The following FBRS variants were observed in gnomAD, a reference collection of about 807,000 sequenced individuals.
FBRS encodes probable fibrosin-1.
FBRS carries 15 observed loss-of-function variants against 86.1 expected under a neutral mutation model. The ratio of observed to expected loss-of-function variants is 0.17; its 90% confidence interval spans 0.12 to 0.27. The LOEUF (loss-of-function observed/expected upper bound fraction) is 0.27. Among genes scored for constraint, FBRS ranks in the 10% least tolerant of loss-of-function variants. The probability of loss-of-function intolerance (pLI) is 1.00; values close to 1 mark genes in which losing one functional copy is unlikely to be tolerated. For missense variants in FBRS, 1,367 were observed against 1,301.6 expected, an observed-to-expected ratio of 1.05 and a Z score of -0.77; for synonymous variants, 666 against 575.8, an observed-to-expected ratio of 1.16 and a Z score of -2.24.
chr16:30,662,348 G>A, intron 4 of FBRS, 72 bp from the exon 5 acceptor site: 4 of 1,547,088 alleles, frequency 2.6e-6, no homozygotes, highest in South Asian at 2.4e-5. Context: ...GCCTCCAGAG[G>A]CTATTTGGCC....
intron 6 of FBRS, among the ~76,000 whole-genome samples, chr16:30,663,397 G>T (rs536520854): frequency 6.6e-6 from 1 of 152,096 alleles, no homozygotes; most frequent in African/African-American, 2.4e-5. Context: ...ATGATTTCAG[G>T]TCTTACGTGA....
rs1377248275 is a variant in FBRS at position 30,659,750 on chromosome 16, G to A, written c.232G>A (p.Gly78Ser). The A allele has an allele frequency of 2.2e-6, 3 of 1,380,086 alleles. No homozygotes were observed. In the South Asian group the frequency reaches 4.0e-5, roughly 18 times the overall value. 85.5% of individuals were successfully genotyped at this position (1,380,086 alleles called of 1,614,324 possible). ...AGCTTCGTCTGGAGAGCGGCCTGGG[G>A]GCCCGAGACGCCGGCGGCCCCGTCC... ...SSASSGERPG[G>S]PRRRRPRPRP... Residue 78 changes from glycine to serine, a missense_variant, in exon 1 of 18, where the codon GGC becomes AGC. Physicochemically the swap from Gly to Ser is moderately conservative, Grantham distance 56. Around this residue, in one of 3 missense-constraint regions of FBRS, gnomAD observed 702 missense variants for 598.7 expected, o/e 1.17. Transcript: ENST00000356166.
In FBRS at chr16:30,661,350, C is replaced by T; in HGVS notation, c.705+17C>T. 8.4e-6 allele frequency: 13 copies of T among 1,550,686 alleles called. No individual in the cohort carries two copies. Among genetic ancestry groups the T allele is most frequent in the Non-Finnish European group, 1.1e-5 (13 of 1,147,018 alleles). On this transcript the variant is annotated intron_variant, in intron 4 of 17. Transcript: ENST00000356166. The stretch of plus-strand genomic sequence containing the variant: ...GACGAGAGGGTGAGTGGGGCTAGAG[C>T]TTGGGTGGGCAGTGTCACTGCTTGT...
At position 30,669,225 on chromosome 16, in the gene FBRS, CGCCGCT is replaced by C. The variant is rs1303044533; in HGVS notation, c.2529_2534del (p.Ala848_Ala849del). 9 of 1,542,702 alleles carry C rather than the reference CGCCGCT, an allele frequency of 5.8e-6. No homozygotes were observed. The African/African-American group carries it at 1.1e-4, about 19-fold the overall frequency. Reference sequence around the variant, plus strand: ...CCGCCGCTGCCGCTGCTGCTGCCGCCGCCGCTGCCGCCGCCGCAGCAGCCACTGGGC... The same window carrying C: ...CCGCCGCTGCCGCTGCTGCTGCCGCCGCCGCCGCCGCAGCAGCCACTGGGC... On this transcript the variant is annotated inframe_deletion, in exon 18 of 18. Transcript: ENST00000356166. The surrounding 1 kb of genome is among the most constrained non-coding windows in gnomAD (Gnocchi z 5.9).
Position 30,659,899 on chromosome 16 carries a change from TGAG to T in FBRS, c.390_392del (p.Glu135del), listed in dbSNP as rs746692583. The T allele has an allele frequency of 3.2e-6, 5 of 1,550,024 alleles. No individual in the cohort carries two copies. In the South Asian group the frequency reaches 4.8e-5, roughly 15 times the overall value. On this transcript the variant is annotated inframe_deletion, in exon 1 of 18. Coordinates refer to ENST00000356166, the MANE Select transcript of FBRS (RefSeq NM_001105079.3). ...ACGACGGCGAAGCCGAGGAGGAGCCTGAGGAGGAGGAAGAGGAGGAGGAGGACT... is the reference window on the plus strand; with the variant it reads ...ACGACGGCGAAGCCGAGGAGGAGCCTGAGGAGGAAGAGGAGGAGGAGGACT...
rs765031226 is a variant in FBRS, at chr16:30,668,585, C to T, written c.2100C>T (p.Phe700=). ...HIDPFGRPTS[F]ASLAALSNGA... Reference sequence around the variant, plus strand: ...ATCCCTTTGGGCGTCCCACAAGCTTCGCCTCTTTGGCTGCCCTCTCCAACG... The same window carrying T: ...ATCCCTTTGGGCGTCCCACAAGCTTTGCCTCTTTGGCTGCCCTCTCCAACG... The change falls in exon 16 of 18, where the codon TTC becomes TTT. Residue 700 remains phenylalanine, a synonymous_variant. Transcript: ENST00000356166. 24 of 1,612,186 alleles carry T rather than the reference C, an allele frequency of 1.5e-5. No individual in the cohort carries two copies. The highest frequency in any genetic ancestry group is 1.9e-5 in the Non-Finnish European group (22 of 1,178,876).
At chr16:30,660,711 T>C in intron 2 of FBRS, 1 of 513,300 alleles carries the variant, frequency 1.9e-6, no homozygotes, top group Admixed American at 3.9e-5. Flanking sequence ...GTAAATTAAT[T>C]GTGGTTCCTG....
In FBRS at chr16:30,670,393, C is replaced by G. The variant is rs896095643; in HGVS notation, c.*748C>G. 1 of 359,252 alleles carries G rather than the reference C, an allele frequency of 2.8e-6. No homozygotes were observed. Among genetic ancestry groups the G allele is most frequent in the African/African-American group, 2.2e-5 (1 of 46,388 alleles). 22.3% of individuals were successfully genotyped at this position (359,252 alleles called of 1,614,324 possible). A position where few individuals can be genotyped will look rare whatever the true frequency, so the allele number is the denominator to read the frequency against. ...AGCCCCGGTTCCCCCAACATGTTCC[C>G]GTTCACTCTGCCCCCACCCCCAAAG... On this transcript the variant is annotated 3_prime_UTR_variant, in exon 18 of 18. Coordinates refer to ENST00000356166, the MANE Select transcript of FBRS (RefSeq NM_001105079.3).
chr16:30,668,918 T>C lies in FBRS; in HGVS notation c.2305T>C (p.Ser769Pro), dbSNP rs2052556228. ...CCCTGAGGCCGCCCGGACTCCAGGCTCAGACAAGGAGCGGCCTGTGGAGCG... is the reference window on the plus strand; with the variant it reads ...CCCTGAGGCCGCCCGGACTCCAGGCCCAGACAAGGAGCGGCCTGTGGAGCG... Reference protein sequence around the residue: ...RPPEAARTPGSDKERPVERRE... With the variant: ...RPPEAARTPGPDKERPVERRE... Residue 769 changes from serine (S) to proline (P), a missense_variant, in exon 17 of 18, where the codon TCA becomes CCA. Transcript: ENST00000356166. The C allele has an allele frequency of 3.8e-6, 6 of 1,590,894 alleles. No homozygotes were observed. The highest frequency in any genetic ancestry group is 1.3e-5 in the African/African-American group (1 of 74,506).
At position 30,659,797 on chromosome 16, in the gene FBRS, C is replaced by G; in HGVS notation, c.279C>G (p.Pro93=). ...GTCCGAGACCTCGACCCCCGCGACC[C>G]CGAGCTCGGAAGCGGCCTGCCGGCT... The part of the protein sequence containing the change: ...RPRPRPRPPR[P]RARKRPAGSG... The change falls in exon 1 of 18, where the codon CCC becomes CCG. Residue 93 remains proline (P), a synonymous_variant. Coordinates refer to ENST00000356166, the MANE Select transcript of FBRS (RefSeq NM_001105079.3). 1 of 1,504,540 alleles carries G rather than the reference C, an allele frequency of 6.6e-7. No homozygotes were observed. Among genetic ancestry groups the G allele is most frequent in the Non-Finnish European group, 8.8e-7 (1 of 1,131,822 alleles). The allele number at this position is 1,504,540 out of a possible 1,614,324, so 93.2% of individuals were successfully genotyped here.
At chr16:30,668,672 G>T in intron 16 of FBRS, 29 bp downstream of exon 16, 2 of 1,586,808 alleles carry the variant, frequency 1.3e-6, no homozygotes, top group South Asian at 2.2e-5. Flanking sequence ...GGGTGGGGGG[G>T]CTGCGGCCAC....
At chr16:30,660,188 G>A (rs1596612353) in intron 1 of FBRS, 75 bp from the exon 2 acceptor site, 1 of 1,412,266 alleles carries the variant, frequency 7.1e-7, no homozygotes, top group Non-Finnish European at 9.3e-7. Context: ...GGGTACTTCG[G>A]CAACCTGGTC....
At position 30,659,685 on chromosome 16, in the gene FBRS, C is replaced by G; in HGVS notation, c.167C>G (p.Ser56Cys). The stretch of plus-strand genomic sequence containing the variant: ...TTGGCCGCCCCGCGCGGCTCCTCGT[C>G]CTCGTCGTCGCCGCCGCCGCCCGCC... The part of the protein sequence containing the change: ...ALLAAPRGSS[S>C]SSSPPPPARP... The change falls in exon 1 of 18, where the codon TCC (serine) becomes TGC (cysteine). Residue 56 changes from serine to cysteine, a missense_variant. This residue lies in a region of FBRS where 702 missense variants were observed against 598.7 expected (regional missense o/e 1.17). Transcript: ENST00000356166. 1.2e-6 allele frequency: 1 copy of G among 824,262 alleles called. No individual in the cohort carries two copies. The highest frequency in any genetic ancestry group is 1.8e-6 in the Non-Finnish European group (1 of 546,112). The allele number at this position is 824,262 out of a possible 1,614,324, so 51.1% of individuals were successfully genotyped here.
intron 7 of FBRS, 25 bp downstream of exon 7, chr16:30,664,541 G>T: frequency 1.4e-6 from 2 of 1,423,680 alleles, no homozygotes; most frequent in Non-Finnish European, 1.8e-6. Context: ...CTGGCCGGGG[G>T]GTGGGGGGCC....
chr16:30,660,605 C>G (rs897568539), intron 2 of FBRS, 163 bp downstream of exon 2: 2 of 1,166,116 alleles, frequency 1.7e-6, no homozygotes, highest in East Asian at 6.4e-5. Flanking sequence ...TGACGAAGGC[C>G]TGTCTACAGT....
In FBRS at chr16:30,662,739, C is replaced by G; in HGVS notation, c.935C>G (p.Ala312Gly). The G allele has an allele frequency of 1.9e-6, 3 of 1,539,020 alleles. No individual in the cohort carries two copies. Among genetic ancestry groups the G allele is most frequent in the Non-Finnish European group, 2.6e-6 (3 of 1,139,644 alleles). ...PVPRPPVSPPAPLPATPSLPP... is the reference protein window; with the variant it reads ...PVPRPPVSPPGPLPATPSLPP... ...CCTCGGCCTCCTGTCTCACCCCCTG[C>G]ACCCCTGCCGGCCACTCCCAGTCTG... The change falls in exon 6 of 18, where the codon GCA becomes GGA. Residue 312 changes from alanine (A) to glycine (G), a missense_variant. Physicochemically the swap from Ala to Gly is moderately conservative, Grantham distance 60 (BLOSUM62 0). Transcript: ENST00000356166.
In FBRS at chr16:30,669,850, A is replaced by G; in HGVS notation, c.*205A>G. The G allele has an allele frequency of 1.4e-6, 1 of 691,732 alleles. No individual in the cohort carries two copies. The highest frequency in any genetic ancestry group is 1.9e-5 in the South Asian group (1 of 51,354). The allele number at this position is 691,732 out of a possible 1,614,324, so 42.8% of individuals were successfully genotyped here. The stretch of plus-strand genomic sequence containing the variant: ...TAGGGTCACTGGGAGAGCAGAGGTC[A>G]CAGCCTCTAGAGAAGGGAGAGGGGC... On this transcript the variant is annotated 3_prime_UTR_variant, in exon 18 of 18. Transcript: ENST00000356166. The surrounding 1 kb of genome is among the most constrained non-coding windows in gnomAD (Gnocchi z 5.9).
In FBRS at chr16:30,660,323, C is replaced by T. The variant is rs1378494495; in HGVS notation, c.520C>T (p.Arg174Trp). 3 of 1,298,926 alleles carry T rather than the reference C, an allele frequency of 2.3e-6. No homozygotes were observed. The highest frequency in any genetic ancestry group is 2.5e-5 in the South Asian group (1 of 39,946). The allele number at this position is 1,298,926 out of a possible 1,614,324, so 80.5% of individuals were successfully genotyped here. A position where few individuals can be genotyped will look rare whatever the true frequency, so the allele number is the denominator to read the frequency against. ...ACATCGGCTGAAGCATTCTGGGAAG[C>T]GGAAAAGGGGGGGCTCCAGTGGGGC... ...LEHRLKHSGK[R>W]KRGGSSGATG... Residue 174 changes from arginine (R) to tryptophan (W), a missense_variant, in exon 2 of 18, where the codon CGG (arginine) becomes TGG (tryptophan). Arg to Trp is a moderately radical substitution (Grantham distance 101). Transcript: ENST00000356166.
At chr16:30,660,107 C>T in intron 1 of FBRS, 130 bp downstream of exon 1, 2 of 1,437,886 alleles carry the variant, frequency 1.4e-6, no homozygotes, top group African/African-American at 1.5e-5. Context: ...CTCCTCTGGC[C>T]AGGCCTCTGC....
Sources: allele counts gnomAD v4.1 joint callset (sites outside exome capture counted in the v4.1 genomes callset), GRCh38; gene constraint gnomAD v4.1.1; regional missense constraint gnomAD v4.1.1; non-coding constraint Gnocchi (gnomAD v3.1); transcripts MANE v1.5; gene names NCBI Gene and HGNC (gene_info 2026-07-23, HGNC 2026-07-21).